TMEM108: variants seen among roughly 807,000 people sequenced by gnomAD.
The protein encoded by TMEM108 is cancer/testis antigen 124.
In TMEM108, 12 loss-of-function variants were observed where a neutral mutation model predicts 35.1. The observed-to-expected ratio is 0.34, with a 90% CI of 0.22 to 0.55. The LOEUF (loss-of-function observed/expected upper bound fraction) is 0.55. Among genes scored for constraint, TMEM108 ranks in the 20% least tolerant of loss-of-function variants. The probability of loss-of-function intolerance (pLI) is 0.89; values close to 1 mark genes in which losing one functional copy is unlikely to be tolerated. For synonymous variants in TMEM108, 287 were observed against 308.6 expected (o/e 0.93, Z 0.73); for missense variants, 680 against 753.3 (o/e 0.90, Z 1.14).
At chr3:133,311,913 G>A (rs1225817573) in intron 3 of TMEM108, among the ~76,000 whole-genome samples, 1 of 152,192 alleles carries the variant, frequency 6.6e-6, no homozygotes, top group Non-Finnish European at 1.5e-5. Context: ...TGTCCTTTTT[G>A]TTGATGTTGG....
At chr3:133,082,573 C>A (rs1338659202) in intron 2 of TMEM108, among the ~76,000 whole-genome samples, 3 of 152,158 alleles carry the variant, frequency 2.0e-5, no homozygotes, top group Non-Finnish European at 2.9e-5. Flanking sequence ...GCCCTCTTTC[C>A]TGTTAAAAAT....
At chr3:133,081,024 T>C (rs1019199348) in intron 2 of TMEM108, among the ~76,000 whole-genome samples, 3 of 152,204 alleles carry the variant, frequency 2.0e-5, no homozygotes, top group Non-Finnish European at 4.4e-5. Context: ...TTCTTATCTT[T>C]CCACATAACA....
At chr3:133,251,148 A>G (rs570168625) in intron 3 of TMEM108, among the ~76,000 whole-genome samples, 6 of 152,322 alleles carry the variant, frequency 3.9e-5, no homozygotes, top group African/African-American at 1.4e-4. Flanking sequence ...ATTGATAGAC[A>G]AAGATAAGCA....
At chr3:133,258,675 C>T (rs75486746) in intron 3 of TMEM108, among the ~76,000 whole-genome samples, 2,570 of 150,440 alleles carry the variant, frequency 0.017, 81 homozygotes, top group African/African-American at 0.059. Context: ...TCATCCTCTT[C>T]AGACTGTATC....
chr3:133,238,123 A>G (rs913093370), intron 3 of TMEM108, among the ~76,000 whole-genome samples: 2 of 151,904 alleles, frequency 1.3e-5, no homozygotes, highest in Non-Finnish European at 2.9e-5. Flanking sequence ...TCCCTCACTC[A>G]CACACATACA....
chr3:133,205,769 G>C (rs557417010), intron 2 of TMEM108, among the ~76,000 whole-genome samples: 5 of 151,866 alleles, frequency 3.3e-5, no homozygotes, highest in African/African-American at 9.7e-5. Flanking sequence ...TCTGATGACT[G>C]TATGTCTTGG....
intron 3 of TMEM108, among the ~76,000 whole-genome samples, chr3:133,302,498 T>G (rs1410225563): frequency 2.1e-5 from 3 of 146,268 alleles, no homozygotes; most frequent in Non-Finnish European, 4.5e-5. Context: ...TCGGCTCACT[T>G]GCAAGCTCTG....
chr3:133,276,691 C>A (rs565421265), intron 3 of TMEM108, among the ~76,000 whole-genome samples: 1 of 151,960 alleles, frequency 6.6e-6, no homozygotes, highest in African/African-American at 2.4e-5. Flanking sequence ...AAGTGGTGGG[C>A]GTTTGTTGAG....
At chr3:133,285,561 C>G (rs1405821114) in intron 3 of TMEM108, among the ~76,000 whole-genome samples, 1 of 152,176 alleles carries the variant, frequency 6.6e-6, no homozygotes, top group Non-Finnish European at 1.5e-5. Flanking sequence ...CAGACCGTGT[C>G]TTTGTTCTTC....
In TMEM108 at chr3:133,303,214, GA is replaced by G. The variant is rs1456917790; in HGVS notation, c.40+73865del. On this transcript the variant is annotated intron_variant, in intron 3 of 5. Coordinates refer to ENST00000321871, the MANE Select transcript of TMEM108 (RefSeq NM_023943.4). ...TTATCTATTATTTAGGGTTATCTAT[GA>G]AGCACTTGTGATGTTTTTGAGCAGT... The G allele has an allele frequency of 2.0e-5, 3 of 152,202 alleles. No homozygotes were observed. In the East Asian group the frequency reaches 5.8e-4, roughly 29 times the overall value. The allele number at this position is 152,202 out of a possible 1,614,324, so 9.4% of individuals were successfully genotyped here.
At chr3:133,295,223 A>G (rs972242147) in intron 3 of TMEM108, among the ~76,000 whole-genome samples, 2 of 152,190 alleles carry the variant, frequency 1.3e-5, no homozygotes, top group African/African-American at 4.8e-5. Flanking sequence ...AGAAACTAGA[A>G]AAAGTTTGCC....
At chr3:133,261,251 C>T (rs866272770) in intron 3 of TMEM108, among the ~76,000 whole-genome samples, 1 of 152,200 alleles carries the variant, frequency 6.6e-6, no homozygotes, top group Non-Finnish European at 1.5e-5. Flanking sequence ...GATGCTCACA[C>T]TCTTATTCCT....
At chr3:133,370,921 T>TGTGCGCGC (rs142623622) in intron 3 of TMEM108, among the ~76,000 whole-genome samples, 1 of 139,290 alleles carries the variant, frequency 7.2e-6, no homozygotes, top group African/African-American at 2.6e-5. Context: ...TGTGTGTGTG[T>TGTGCGCGC]GCCAGGAAGC....
At chr3:133,093,129 A>G (rs762141012) in intron 2 of TMEM108, among the ~76,000 whole-genome samples, 36 of 151,962 alleles carry the variant, frequency 2.4e-4, no homozygotes, top group Admixed American at 5.9e-4. Context: ...AGCTAGGGCT[A>G]CAGGAGTGTG....
chr3:133,153,458 A>G (rs1944831374), intron 2 of TMEM108, among the ~76,000 whole-genome samples: 1 of 152,200 alleles, frequency 6.6e-6, no homozygotes, highest in Non-Finnish European at 1.5e-5. Flanking sequence ...AAGTACTGTT[A>G]TTATCCCACT....
intron 2 of TMEM108, among the ~76,000 whole-genome samples, chr3:133,048,178 T>C (rs528153689): frequency 6.6e-6 from 1 of 152,332 alleles, no homozygotes; most frequent in East Asian, 1.9e-4. Flanking sequence ...CAAGGTGATC[T>C]GCTAATGTTA....
chr3:133,303,936 A>G (rs1041190792), intron 3 of TMEM108, among the ~76,000 whole-genome samples: 2 of 152,174 alleles, frequency 1.3e-5, no homozygotes, highest in Non-Finnish European at 2.9e-5. Context: ...TCCTAGGCTC[A>G]TGCTACATAA....
chr3:133,057,737 C>A (rs138216324), intron 2 of TMEM108, among the ~76,000 whole-genome samples: 25 of 152,128 alleles, frequency 1.6e-4, no homozygotes, highest in Non-Finnish European at 3.7e-4. Context: ...CTCAGATACC[C>A]TTTTCGAGAA....
intron 2 of TMEM108, among the ~76,000 whole-genome samples, chr3:133,162,003 G>A (rs186125253): frequency 6.6e-6 from 1 of 152,294 alleles, no homozygotes; most frequent in East Asian, 1.9e-4. Flanking sequence ...TGGAAATGAG[G>A]TTGGGAATAC....
Sources: allele counts gnomAD v4.1 joint callset (sites outside exome capture counted in the v4.1 genomes callset), GRCh38; gene constraint gnomAD v4.1.1; transcripts MANE v1.5; gene names NCBI Gene and HGNC (gene_info 2026-07-23, HGNC 2026-07-21).